The following PRELID2 variants were observed in gnomAD, a reference collection of about 807,000 sequenced individuals.
PRELID2 encodes PRELI domain-containing protein 2.
PRELID2 carries 25 observed loss-of-function variants against 28.4 expected under a neutral mutation model. The observed-to-expected ratio is 0.88, with a 90% confidence interval of 0.64 to 1.23. The LOEUF is 1.23. Among genes scored for constraint, PRELID2 ranks in the 50% most tolerant of loss-of-function variants. The pLI, the probability that PRELID2 is intolerant of heterozygous loss-of-function variation, is 0.00. For missense variants in PRELID2, 201 were observed against 214.4 expected, an observed-to-expected ratio of 0.94 and a Z score of 0.39; for synonymous variants, 76 against 71.6, an observed-to-expected ratio of 1.06 and a Z score of -0.31.
chr5:145,413,395 G>A, the PRELID2 span, among the ~76,000 whole-genome samples: 1 of 152,112 alleles, frequency 6.6e-6, no homozygotes, highest in African/African-American at 2.4e-5. Flanking sequence ...ATGTAACCTA[G>A]TACAACCAAT....
At position 145,498,860 on chromosome 5, in the gene PRELID2, G is replaced by A. The variant is rs548532260; in HGVS notation, n.71-25545C>T. On this transcript the variant is annotated intron_variant and non_coding_transcript_variant, in intron 1 of 2. Transcript: ENST00000510259. Reference sequence around the variant, plus strand: ...CCCAAAGTGCTGAGATTACAGGTATGAGCCACCACACCCGGCCTGAGAACT... The same window carrying A: ...CCCAAAGTGCTGAGATTACAGGTATAAGCCACCACACCCGGCCTGAGAACT... 2.6e-5 allele frequency among the ~76,000 whole-genome samples: 4 copies of A among 151,818 alleles called. No homozygotes were observed. In the East Asian group the frequency reaches 5.8e-4, roughly 22 times the overall value.
chr5:145,756,722 A>T lies in PRELID2; in HGVS notation c.*3814T>A, dbSNP rs1334568869. ...GCAAAGTACATTCATTTTTATTGCT[A>T]GAACAGCCTCTCAAAACCTCATTCA... On this transcript the variant is annotated 3_prime_UTR_variant, in exon 7 of 7. Coordinates refer to ENST00000683046, the MANE Select transcript of PRELID2 (RefSeq NM_205846.3). 1.3e-5 allele frequency among the ~76,000 whole-genome samples: 2 copies of T among 152,236 alleles called. No individual in the cohort carries two copies. The highest frequency in any genetic ancestry group is 2.9e-5 in the Non-Finnish European group (2 of 68,042).
At chr5:145,328,833 G>T in the PRELID2 span, among the ~76,000 whole-genome samples, 1 of 151,988 alleles carries the variant, frequency 6.6e-6, no homozygotes, top group African/African-American at 2.4e-5. Context: ...TAGTGTTTTA[G>T]TCATGAAGTC....
At chr5:145,445,814 G>A in the PRELID2 span, among the ~76,000 whole-genome samples, 4 of 151,750 alleles carry the variant, frequency 2.6e-5, no homozygotes, top group Admixed American at 1.3e-4. Flanking sequence ...AACCACTGTG[G>A]AGTATCATCT....
chr5:145,276,685 T>C, the PRELID2 span, among the ~76,000 whole-genome samples: 6 of 152,164 alleles, frequency 3.9e-5, no homozygotes, highest in East Asian at 7.7e-4. Flanking sequence ...ATAGCTGTGA[T>C]GCTGTCATGA....
At chr5:145,716,364 C>T (rs1755843614) in intron 1 of PRELID2, among the ~76,000 whole-genome samples, 1 of 152,110 alleles carries the variant, frequency 6.6e-6, no homozygotes, top group Non-Finnish European at 1.5e-5. Context: ...ACCAGGAATC[C>T]TTCACTGAGA....
intron 1 of PRELID2, among the ~76,000 whole-genome samples, chr5:145,748,212 C>A (rs1203501137): frequency 6.6e-6 from 1 of 152,218 alleles, no homozygotes; most frequent in African/African-American, 2.4e-5. Context: ...GAGAGGAAGT[C>A]AAATTGTCTC....
chr5:145,720,334 A>T lies in PRELID2; in HGVS notation n.70+44597T>A, dbSNP rs183548360. Among the ~76,000 whole-genome samples, 217 of 149,176 alleles carry T rather than the reference A, an allele frequency of 1.5e-3. 1 individual carries two copies. Among genetic ancestry groups the T allele is most frequent in the African/African-American group, 4.4e-3 (178 of 40,850 alleles). ...ATTATGAGACATTAAAGATAATTTT[A>T]AAAAAAAAACCTCAGGTCTCCCAGA... is the stretch of plus-strand genomic sequence containing the variant. On this transcript the variant is annotated intron_variant and non_coding_transcript_variant, in intron 1 of 2. Coordinates refer to the PRELID2 transcript ENST00000510259.
chr5:145,458,578 C>T, the PRELID2 span, among the ~76,000 whole-genome samples: 1 of 152,212 alleles, frequency 6.6e-6, no homozygotes, highest in East Asian at 1.9e-4. Flanking sequence ...CTGCCAGTAT[C>T]TAGTGAGTAG....
At chr5:145,269,404 T>C in the PRELID2 span, among the ~76,000 whole-genome samples, 1 of 151,992 alleles carries the variant, frequency 6.6e-6, no homozygotes, top group Non-Finnish European at 1.5e-5. Flanking sequence ...AATAAAAGTC[T>C]TTCCAACTAA....
At chr5:145,555,718 T>C (rs1213170002) in intron 1 of PRELID2, among the ~76,000 whole-genome samples, 1 of 152,116 alleles carries the variant, frequency 6.6e-6, no homozygotes, top group Non-Finnish European at 1.5e-5. Flanking sequence ...GTGAGCCATA[T>C]GCAAAGGGAG....
chr5:145,416,296 C>T, the PRELID2 span, among the ~76,000 whole-genome samples: 4 of 151,936 alleles, frequency 2.6e-5, no homozygotes, highest in African/African-American at 9.7e-5. Context: ...AAACGTTAGA[C>T]CTAAAACCAT....
intron 1 of PRELID2, among the ~76,000 whole-genome samples, chr5:145,654,397 A>T (rs1754354444): frequency 6.6e-6 from 1 of 152,218 alleles, no homozygotes; most frequent in Non-Finnish European, 1.5e-5. Context: ...AACTCATTTT[A>T]TGGGGCCAGC....
chr5:145,275,957 C>T, the PRELID2 span, among the ~76,000 whole-genome samples: 4 of 152,112 alleles, frequency 2.6e-5, no homozygotes, highest in East Asian at 1.9e-4. Flanking sequence ...AAAGTACACA[C>T]GTAGATGTAC....
At chr5:145,546,093 T>C (rs1752785553) in intron 1 of PRELID2, among the ~76,000 whole-genome samples, 1 of 152,164 alleles carries the variant, frequency 6.6e-6, no homozygotes, top group African/African-American at 2.4e-5. Context: ...TATGCAGATT[T>C]CCAGGCCTCA....
chr5:145,762,939 G>A lies in PRELID2; in HGVS notation c.*10+1992C>T, dbSNP rs184948235. ...TTAAAACTGCCATTCTCAAAGTGTG[G>A]CCCCAGGACCAGGATCACCATCACC... On this transcript the variant is annotated intron_variant, in intron 6 of 6. Coordinates refer to ENST00000683046, the MANE Select transcript of PRELID2 (RefSeq NM_205846.3). 1.5e-3 allele frequency among the ~76,000 whole-genome samples: 234 copies of A among 152,218 alleles called. 2 individuals carry two copies. The highest frequency in any genetic ancestry group is 5.5e-3 in the African/African-American group (228 of 41,530).
At chr5:145,248,282 T>C in the PRELID2 span, among the ~76,000 whole-genome samples, 1 of 152,000 alleles carries the variant, frequency 6.6e-6, no homozygotes, top group South Asian at 2.1e-4. Context: ...GATACAAACA[T>C]GCTTATGTTG....
In PRELID2 at chr5:145,738,817, C is replaced by G. The variant is rs141104957; in HGVS notation, n.70+26114G>C. Among the ~76,000 whole-genome samples the G allele has an allele frequency of 3.8e-3, 580 of 152,198 alleles. 4 individuals are homozygous for G. The highest frequency in any genetic ancestry group is 0.013 in the African/African-American group (556 of 41,538). ...TTCCCAAATTTGGCAAAACACATAC[C>G]TTTACAGATTCAAGAAGATGAGTGT... is the stretch of plus-strand genomic sequence containing the variant. On this transcript the variant is annotated intron_variant and non_coding_transcript_variant, in intron 1 of 2. Coordinates refer to the PRELID2 transcript ENST00000510259.
At position 145,677,902 on chromosome 5, in the gene PRELID2, C is replaced by T. The variant is rs1259150462; in HGVS notation, n.70+87029G>A. Among the ~76,000 whole-genome samples, 3 of 152,074 alleles carry T rather than the reference C, an allele frequency of 2.0e-5. No individual in the cohort carries two copies. In the East Asian group the frequency reaches 5.8e-4, roughly 29 times the overall value. The stretch of plus-strand genomic sequence containing the variant: ...GCCGCGGTGGGTGGGGTGCATTTTA[C>T]AGAAAAGGAGAAGTTGTGGGACAGG... On this transcript the variant is annotated intron_variant and non_coding_transcript_variant, in intron 1 of 2. Coordinates refer to the PRELID2 transcript ENST00000510259.
Sources: gnomAD v4.1 joint callset for allele counts (sites outside exome capture counted in the v4.1 genomes callset) on GRCh38, gnomAD v4.1.1 for gene constraint, MANE v1.5 for transcripts, NCBI Gene and HGNC (gene_info 2026-07-23, HGNC 2026-07-21) for gene names.